TOX2: variants seen among roughly 807,000 people sequenced by gnomAD.
The protein encoded by TOX2 is TOX high mobility group box family member 2.
A neutral mutation model predicts 47.4 loss-of-function variants in TOX2; 15 were observed. The ratio of observed to expected loss-of-function variants is 0.32; its 90% CI spans 0.21 to 0.49. The LOEUF (loss-of-function observed/expected upper bound fraction) is 0.49. Among genes scored for constraint, TOX2 ranks in the 20% least tolerant of loss-of-function variants. TOX2 has a pLI of 0.99. For missense variants in TOX2, 622 were observed against 673.1 expected (o/e 0.92, Z 0.84); for synonymous variants, 290 against 296.6 (o/e 0.98, Z 0.23).
At chr20:43,994,285 CA>C (rs919438172) in intron 2 of TOX2, among the ~76,000 whole-genome samples, 6 of 142,046 alleles carry the variant, frequency 4.2e-5, no homozygotes, top group Non-Finnish European at 6.2e-5. Context: ...GGCAGCATGG[CA>C]AAAACCCATC....
At chr20:44,007,953 TA>T (rs777933882) in intron 3 of TOX2, among the ~76,000 whole-genome samples, 4 of 151,632 alleles carry the variant, frequency 2.6e-5, no homozygotes, top group East Asian at 1.9e-4. Flanking sequence ...GTCATATAAT[TA>T]AAAAAAAATT....
intron 1 of TOX2, among the ~76,000 whole-genome samples, chr20:43,943,293 A>G (rs1321396057): frequency 1.8e-5 from 2 of 109,000 alleles, no homozygotes; most frequent in Non-Finnish European, 4.9e-5. Context: ...CCTAGCTCCT[A>G]TAAACTCCCT....
intron 3 of TOX2, among the ~76,000 whole-genome samples, chr20:44,033,108 G>A (rs2071182651): frequency 6.6e-6 from 1 of 152,212 alleles, no homozygotes; most frequent in Non-Finnish European, 1.5e-5. Context: ...CATTTCAGGA[G>A]AAATTTGTCA....
intron 3 of TOX2, 110 bp from the exon 4 acceptor site, chr20:44,051,196 G>T: frequency 2.0e-6 from 3 of 1,463,968 alleles, no homozygotes; most frequent in Non-Finnish European, 2.7e-6. Context: ...AGCAGGAGCC[G>T]CACCCATCAC....
intron 8 of TOX2, 140 bp downstream of exon 8, chr20:44,066,997 A>G: frequency 1.6e-6 from 2 of 1,265,690 alleles, no homozygotes; most frequent in Non-Finnish European, 2.1e-6. Context: ...GAGGGGATCG[A>G]TATCTCAGAT....
chr20:43,931,387 G>A (rs1254935323), intron 1 of TOX2, among the ~76,000 whole-genome samples: 2 of 152,072 alleles, frequency 1.3e-5, no homozygotes, highest in African/African-American at 2.4e-5. Flanking sequence ...CTCCCACCTC[G>A]GCCTCCCAAG....
chr20:43,976,944 G>A (rs548748530), intron 2 of TOX2, among the ~76,000 whole-genome samples: 1 of 152,208 alleles, frequency 6.6e-6, no homozygotes, highest in East Asian at 1.9e-4. Flanking sequence ...AGGATTCAGA[G>A]GATAAACACT....
chr20:43,966,784 AG>A (rs1196359649), intron 1 of TOX2, among the ~76,000 whole-genome samples: 5 of 148,188 alleles, frequency 3.4e-5, no homozygotes, highest in African/African-American at 5.0e-5. Flanking sequence ...GGGGCACTGG[AG>A]GCTCCCACTA....
chr20:44,006,876 G>T, intron 3 of TOX2, 84 bp downstream of exon 3: 1 of 1,495,612 alleles, frequency 6.7e-7, no homozygotes, highest in South Asian at 1.3e-5. Context: ...TTGATGCTTT[G>T]ATAAGAACTC....
chr20:43,943,783 A>G (rs534723284), intron 1 of TOX2, among the ~76,000 whole-genome samples: 28 of 152,356 alleles, frequency 1.8e-4, no homozygotes, highest in African/African-American at 6.7e-4. Flanking sequence ...ACATTCAACA[A>G]GCAACATGGC....
rs530224262 is a variant in TOX2 at position 43,973,326 on chromosome 20, C to A, written c.100-41C>A. 13 of 1,600,354 alleles carry A rather than the reference C, an allele frequency of 8.1e-6. No homozygotes were observed. The South Asian group carries it at 1.2e-4, about 15-fold the overall frequency. On this transcript the variant is annotated intron_variant, in intron 1 of 8. Coordinates refer to ENST00000341197, the MANE Select transcript of TOX2 (RefSeq NM_001098797.2). ...GCTTCTCCTGGTGCCTTCCTGAGAG[C>A]ATTTTAATCAGAGCTGCTTCTCCCT...
intron 5 of TOX2, among the ~76,000 whole-genome samples, chr20:44,060,053 G>A (rs1013849678): frequency 2.0e-5 from 3 of 152,160 alleles, no homozygotes; most frequent in Non-Finnish European, 4.4e-5. Flanking sequence ...AGGTAAAGGG[G>A]TGGAAAAAGA....
chr20:44,039,381 G>A (rs1176133983), intron 3 of TOX2, among the ~76,000 whole-genome samples: 1 of 152,312 alleles, frequency 6.6e-6, no homozygotes, highest in Non-Finnish European at 1.5e-5. Flanking sequence ...CTAGGCCATT[G>A]CTAAGTGGGC....
chr20:44,066,785 C>G lies in TOX2; in HGVS notation c.1412C>G (p.Pro471Arg), dbSNP rs758939019. 1 of 1,614,232 alleles carries G rather than the reference C, an allele frequency of 6.2e-7. No individual in the cohort carries two copies. Among genetic ancestry groups the G allele is most frequent in the East Asian group, 2.2e-5 (1 of 44,876 alleles). ...AGCTCGGGATCCTGCTCACCTGGCC[C>G]ATCCAACCCCACCAGCAGCGGGGAC... ...PSSSGSCSPG[P>R]SNPTSSGDWD... Residue 471 changes from proline to arginine, a missense_variant, in exon 8 of 9, where the codon CCA becomes CGA. Physicochemically the swap from Pro to Arg is moderately radical, Grantham distance 103. Transcript: ENST00000341197.
intron 3 of TOX2, among the ~76,000 whole-genome samples, chr20:44,030,725 C>A (rs1037940627): frequency 6.6e-6 from 1 of 152,124 alleles, no homozygotes; most frequent in Non-Finnish European, 1.5e-5. Context: ...AGCACAGGGC[C>A]TGGCATATAG....
intron 1 of TOX2, among the ~76,000 whole-genome samples, chr20:43,954,534 T>G (rs565812746): frequency 6.6e-5 from 10 of 152,282 alleles, no homozygotes; most frequent in African/African-American, 1.9e-4. Flanking sequence ...CGAACAAACC[T>G]CTGCGGAAAG....
At position 44,002,703 on chromosome 20, in the gene TOX2, G is replaced by A. The variant is rs549045899; in HGVS notation, c.166-3844G>A. Among the ~76,000 whole-genome samples, 16 of 152,274 alleles carry A rather than the reference G, an allele frequency of 1.1e-4. No homozygotes were observed. The East Asian group carries it at 3.1e-3, about 29-fold the overall frequency. On this transcript the variant is annotated intron_variant, in intron 2 of 8. Transcript: ENST00000341197. ...TGCTCAGCTTTTGATGAGGCCTCAGGAAGCTTTTACTCCTGGGAGAAGGTG... is the reference window on the plus strand; with the variant it reads ...TGCTCAGCTTTTGATGAGGCCTCAGAAAGCTTTTACTCCTGGGAGAAGGTG...
chr20:44,044,317 C>A (rs1413292593), intron 3 of TOX2, among the ~76,000 whole-genome samples: 5 of 151,590 alleles, frequency 3.3e-5, no homozygotes, highest in Non-Finnish European at 4.4e-5. Context: ...AGGAGATATA[C>A]CTAATGTAAA....
intron 2 of TOX2, among the ~76,000 whole-genome samples, chr20:43,988,898 G>T (rs2070319451): frequency 6.6e-6 from 1 of 152,200 alleles, no homozygotes; most frequent in Admixed American, 6.5e-5. Context: ...AGAACACTGG[G>T]TTTTGGTTGT....
Sources: allele counts gnomAD v4.1 joint callset (sites outside exome capture counted in the v4.1 genomes callset), GRCh38; gene constraint gnomAD v4.1.1; transcripts MANE v1.5; gene names NCBI Gene and HGNC (gene_info 2026-07-23, HGNC 2026-07-21).